Variants in LGR6 observed in about 807,000 individuals in gnomAD.
The protein encoded by LGR6 is leucine-rich repeat-containing G protein-coupled receptor 6.
In LGR6, 45 loss-of-function variants were observed where a neutral mutation model predicts 69.4. That is an observed-to-expected ratio of 0.65 (90% confidence interval 0.51 to 0.83). The LOEUF (loss-of-function observed/expected upper bound fraction) is 0.83. Among genes scored for constraint, LGR6 ranks in the 40% least tolerant of loss-of-function variants. The pLI is 0.00. For synonymous variants in LGR6, 538 were observed against 555.0 expected (o/e 0.97, Z 0.43); for missense variants, 1,108 against 1,246.7 (o/e 0.89, Z 1.68).
intron 1 of LGR6, among the ~76,000 whole-genome samples, chr1:202,195,897 G>C (rs1658623038): frequency 6.6e-6 from 1 of 152,158 alleles, no homozygotes; most frequent in African/African-American, 2.4e-5. Context: ...GAGGTACACT[G>C]TCACCTTTGG....
In LGR6 at chr1:202,307,421, T is replaced by C; in HGVS notation, c.1280+20T>C. The C allele has an allele frequency of 6.2e-6, 10 of 1,612,500 alleles. No individual in the cohort carries two copies. The highest frequency in any genetic ancestry group is 1.7e-4 in the Middle Eastern group (1 of 6,056). On this transcript the variant is annotated intron_variant, in intron 14 of 17. Coordinates refer to ENST00000367278, the MANE Select transcript of LGR6 (RefSeq NM_001017403.2). ...CAAGCTGTAAGTGCCTGCTGCATTCTCCTCCAGGATGCTGGGGGCCAGTCG... is the reference window on the plus strand; with the variant it reads ...CAAGCTGTAAGTGCCTGCTGCATTCCCCTCCAGGATGCTGGGGGCCAGTCG...
chr1:202,221,152 G>A (rs573364251), intron 1 of LGR6, among the ~76,000 whole-genome samples: 3 of 152,078 alleles, frequency 2.0e-5, no homozygotes, highest in Non-Finnish European at 4.4e-5. Flanking sequence ...GGGGACCCAG[G>A]GGCTTGTTTT....
intron 6 of LGR6, among the ~76,000 whole-genome samples, chr1:202,288,320 A>C (rs950656157): frequency 6.6e-6 from 1 of 152,090 alleles, no homozygotes; most frequent in African/African-American, 2.4e-5. Flanking sequence ...CATAGCATGC[A>C]CCGCAATCTG....
chr1:202,297,556 C>A lies in LGR6; in HGVS notation c.765C>A (p.Thr255=), dbSNP rs763162119. ...AGGAGTTCCCTGTGGCCATCCGGAC[C>A]CTGGGCAGACTGCAGGAACTGTAAG... ...KLQEFPVAIR[T]LGRLQELGFH... is the part of the protein sequence containing the mutation. The change falls in exon 7 of 18, where the codon ACC becomes ACA. Residue 255 remains threonine, a synonymous_variant. Transcript: ENST00000367278. The A allele has an allele frequency of 6.2e-7, 1 of 1,613,878 alleles. No individual in the cohort carries two copies. The highest frequency in any genetic ancestry group is 1.1e-5 in the South Asian group (1 of 91,050).
At chr1:202,267,486 G>A (rs1012561740) in intron 4 of LGR6, among the ~76,000 whole-genome samples, 2 of 152,120 alleles carry the variant, frequency 1.3e-5, no homozygotes, top group African/African-American at 4.8e-5. Flanking sequence ...AGGCCTTTCA[G>A]GACAAGCTCT....
intron 9 of LGR6, among the ~76,000 whole-genome samples, chr1:202,302,301 C>T (rs1393272008): frequency 1.3e-5 from 2 of 152,136 alleles, no homozygotes; most frequent in African/African-American, 4.8e-5. Context: ...GTTATTGGTC[C>T]GATTTACAGG....
At chr1:202,201,001 T>A (rs754294491) in intron 1 of LGR6, among the ~76,000 whole-genome samples, 1 of 152,180 alleles carries the variant, frequency 6.6e-6, no homozygotes, top group Non-Finnish European at 1.5e-5. Flanking sequence ...AGCCCCCGCT[T>A]CTCTGCTACA....
chr1:202,236,914 T>A (rs1571865275), intron 4 of LGR6, among the ~76,000 whole-genome samples: 1 of 152,110 alleles, frequency 6.6e-6, no homozygotes, highest in East Asian at 1.9e-4. Flanking sequence ...TGACTTCTCC[T>A]TGGGTGGAAG....
At position 202,270,540 on chromosome 1, in the gene LGR6, C is replaced by T. The variant is rs190748325; in HGVS notation, c.429-5766C>T. On this transcript the variant is annotated intron_variant, in intron 4 of 17. Coordinates refer to ENST00000367278, the MANE Select transcript of LGR6 (RefSeq NM_001017403.2). The stretch of plus-strand genomic sequence containing the variant: ...TACAGGCGTGAGCCACCACACCCTG[C>T]GAAGCTCTGAGTTTGAGTCCCAGCC... Among the ~76,000 whole-genome samples the T allele has an allele frequency of 8.4e-4, 128 of 152,248 alleles. 1 individual carries two copies. The highest frequency in any genetic ancestry group is 6.1e-3 in the Admixed American group (94 of 15,300).
intron 5 of LGR6, among the ~76,000 whole-genome samples, chr1:202,278,726 TGGTTAAAATCAAGGGTTGTACAGGG>T (rs1395699771): frequency 1.3e-5 from 2 of 152,140 alleles, no homozygotes; most frequent in East Asian, 3.9e-4. Context: ...AAAAGATATT[TGGTTAAAATCAAGGGTTGTACAGGG>T]GCCTGGCTGG....
intron 16 of LGR6, among the ~76,000 whole-genome samples, chr1:202,312,995 G>A (rs1312316761): frequency 2.0e-5 from 3 of 152,188 alleles, no homozygotes; most frequent in South Asian, 4.1e-4. Flanking sequence ...TTGGGAGGCC[G>A]AGGCAGGCGG....
chr1:202,269,954 T>C (rs1232786919), intron 4 of LGR6, among the ~76,000 whole-genome samples: 1 of 152,208 alleles, frequency 6.6e-6, no homozygotes, highest in African/African-American at 2.4e-5. Context: ...ATGGGTCAGC[T>C]AGAGGCCCAC....
chr1:202,193,956 G>T lies in LGR6; in HGVS notation c.-34G>T, dbSNP rs1251032494. The T allele has an allele frequency of 1.6e-6, 2 of 1,279,636 alleles. No individual in the cohort carries two copies. The highest frequency in any genetic ancestry group is 2.1e-5 in the South Asian group (1 of 47,544). The allele number at this position is 1,279,636 out of a possible 1,614,324, so 79.3% of individuals were successfully genotyped here. A position where few individuals can be genotyped will look rare whatever the true frequency, so the allele number is the denominator to read the frequency against. On this transcript the variant is annotated 5_prime_UTR_variant, in exon 1 of 18. Coordinates refer to ENST00000367278, the MANE Select transcript of LGR6 (RefSeq NM_001017403.2). Reference sequence around the variant, plus strand: ...GCCATCGCGCCGTGCGTCCGCGCCCGGCCGCCAGGTGCCCCAGTAGCCCGA... The same window carrying T: ...GCCATCGCGCCGTGCGTCCGCGCCCTGCCGCCAGGTGCCCCAGTAGCCCGA...
At position 202,223,845 on chromosome 1, in the gene LGR6, T is replaced by C. The variant is rs1571837546; in HGVS notation, c.213-1578T>C. On this transcript the variant is annotated intron_variant, in intron 1 of 17. Coordinates refer to ENST00000367278, the MANE Select transcript of LGR6 (RefSeq NM_001017403.2). The stretch of plus-strand genomic sequence containing the variant: ...GGCAAGTGTCCCAGCCCCACAGGCC[T>C]GTGAAAAGGCACCAGCCCCTCTCCC... Among the ~76,000 whole-genome samples the C allele has an allele frequency of 2.2e-3, 5 of 2,302 alleles. No homozygotes were observed. The East Asian group carries it at 0.047, about 22-fold the overall frequency. The allele number at this position is 2,302 out of a possible 152,430, so 1.5% of individuals were successfully genotyped here.
Position 202,318,047 on chromosome 1 carries a change from G to A in LGR6, c.1744G>A (p.Val582Met), listed in dbSNP as rs137958654. ...VLLSVLCNGL[V>M]LLTVFAGGPV... ...GCTCTCCGTGCTCTGCAATGGACTG[G>A]TGCTGCTGACCGTGTTCGCTGGCGG... The change falls in exon 18 of 18, where the codon GTG becomes ATG. Residue 582 changes from valine (V) to methionine (M), a missense_variant. Physicochemically the swap from Val to Met is conservative, Grantham distance 21. Transcript: ENST00000367278. 4 of 1,614,172 alleles carry A rather than the reference G, an allele frequency of 2.5e-6. No individual in the cohort carries two copies. The highest frequency in any genetic ancestry group is 3.4e-6 in the Non-Finnish European group (4 of 1,180,028).
At chr1:202,255,223 A>G (rs1160146569) in intron 4 of LGR6, among the ~76,000 whole-genome samples, 2 of 152,204 alleles carry the variant, frequency 1.3e-5, no homozygotes, top group Admixed American at 6.5e-5. Context: ...TGTCCCAGAA[A>G]AGCACTTGGA....
chr1:202,265,142 G>A (rs966000573), intron 4 of LGR6, among the ~76,000 whole-genome samples: 1 of 152,072 alleles, frequency 6.6e-6, no homozygotes, highest in East Asian at 1.9e-4. Context: ...ATTGTAAGTG[G>A]GTATGGAAAG....
chr1:202,240,293 G>A (rs756695438), intron 4 of LGR6, among the ~76,000 whole-genome samples: 1 of 149,116 alleles, frequency 6.7e-6, no homozygotes, highest in Non-Finnish European at 1.5e-5. Flanking sequence ...AAAATTGCTT[G>A]AACCTGGGAG....
chr1:202,271,808 CAAA>C (rs754922941), intron 4 of LGR6, among the ~76,000 whole-genome samples: 3 of 88,486 alleles, frequency 3.4e-5, no homozygotes, highest in Non-Finnish European at 2.1e-5. Flanking sequence ...AACTCTGTCT[CAAA>C]AAAAAAAAAA....
Sources: allele counts gnomAD v4.1 joint callset (sites outside exome capture counted in the v4.1 genomes callset), GRCh38; gene constraint gnomAD v4.1.1; transcripts MANE v1.5; gene names NCBI Gene and HGNC (gene_info 2026-07-23, HGNC 2026-07-21).